TMEM117: variants seen among roughly 807,000 people sequenced by gnomAD.
TMEM117 encodes the protein transmembrane protein 117.
TMEM117 carries 27 observed loss-of-function variants against 52.4 expected under a neutral mutation model. The observed-to-expected ratio is 0.51, with a 90% CI of 0.38 to 0.71. The LOEUF is 0.71. TMEM117 is among the 30% of genes least tolerant of loss of function. The pLI is 0.00. For synonymous variants in TMEM117, 215 were observed against 206.3 expected, an observed-to-expected ratio of 1.04 and a Z score of -0.36; for missense variants, 556 against 630.5, an observed-to-expected ratio of 0.88 and a Z score of 1.26.
At chr12:44,006,641 A>T (rs1209615018) in intron 3 of TMEM117, among the ~76,000 whole-genome samples, 1 of 152,200 alleles carries the variant, frequency 6.6e-6, no homozygotes, top group African/African-American at 2.4e-5. Flanking sequence ...TGTCAAGCAT[A>T]TGATATCTGA....
chr12:44,296,895 G>A (rs1026741184), intron 5 of TMEM117, among the ~76,000 whole-genome samples: 2 of 152,200 alleles, frequency 1.3e-5, no homozygotes, highest in Non-Finnish European at 1.5e-5. Flanking sequence ...AAGTTCATAG[G>A]GGGCTGAGGC....
intron 6 of TMEM117, among the ~76,000 whole-genome samples, chr12:44,371,361 G>T (rs908382099): frequency 1.3e-5 from 2 of 152,090 alleles, no homozygotes; most frequent in Admixed American, 1.3e-4. Context: ...ATAATCTAAT[G>T]CCTATAAAAA....
the TMEM117 span, among the ~76,000 whole-genome samples, chr12:43,802,103 G>C: frequency 6.6e-6 from 1 of 152,114 alleles, no homozygotes; most frequent in Non-Finnish European, 1.5e-5. Context: ...TTGATTTCAA[G>C]GGCAAAACTC....
intron 3 of TMEM117, among the ~76,000 whole-genome samples, chr12:43,957,748 C>A (rs190268036): frequency 1.2e-4 from 18 of 152,254 alleles, no homozygotes; most frequent in Admixed American, 7.2e-4. Context: ...TGAATAATTT[C>A]TTAGTAATGT....
chr12:44,286,153 A>G (rs574573058), intron 5 of TMEM117, among the ~76,000 whole-genome samples: 1 of 152,160 alleles, frequency 6.6e-6, no homozygotes, highest in African/African-American at 2.4e-5. Context: ...ACATTTTAAC[A>G]TTAGTATTAT....
chr12:44,008,970 G>A (rs1283902562), intron 3 of TMEM117: 5 of 373,122 alleles, frequency 1.3e-5, no homozygotes, highest in Middle Eastern at 6.4e-4. Flanking sequence ...CATTGGTGAC[G>A]CTTATAGGTC....
intron 3 of TMEM117, among the ~76,000 whole-genome samples, chr12:43,978,207 G>A (rs911451214): frequency 2.6e-5 from 4 of 152,148 alleles, no homozygotes; most frequent in African/African-American, 9.7e-5. Context: ...GATTATTACT[G>A]TAAGCCAGTG....
At chr12:44,257,640 C>G (rs188738422) in intron 5 of TMEM117, among the ~76,000 whole-genome samples, 18 of 152,250 alleles carry the variant, frequency 1.2e-4, no homozygotes, top group African/African-American at 4.3e-4. Context: ...TTGTAAATCA[C>G]TACCTTTGGC....
intron 3 of TMEM117, among the ~76,000 whole-genome samples, chr12:44,126,716 A>C (rs181191988): frequency 6.6e-5 from 10 of 152,324 alleles, no homozygotes; most frequent in African/African-American, 9.6e-5. Context: ...TTTGGTAAAA[A>C]CACCCAACAT....
At chr12:44,200,411 T>A (rs771660399) in intron 4 of TMEM117, among the ~76,000 whole-genome samples, 8 of 152,194 alleles carry the variant, frequency 5.3e-5, no homozygotes, top group Non-Finnish European at 1.0e-4. Flanking sequence ...TAGAAAACAT[T>A]GTTAATTAAA....
intron 4 of TMEM117, among the ~76,000 whole-genome samples, chr12:44,179,050 C>G (rs943517554): frequency 3.3e-5 from 5 of 152,056 alleles, no homozygotes; most frequent in South Asian, 2.1e-4. Flanking sequence ...AAAAATTAGC[C>G]TGGTGTGGTG....
intron 3 of TMEM117, among the ~76,000 whole-genome samples, chr12:44,055,622 TTCCTCATTTG>T (rs1947042113): frequency 6.6e-6 from 1 of 152,182 alleles, no homozygotes; most frequent in South Asian, 2.1e-4. Context: ...TGTCTCCATT[TTCCTCATTTG>T]TAAAGTGGTA....
intron 3 of TMEM117, among the ~76,000 whole-genome samples, chr12:44,029,959 A>AT (rs1241185975): frequency 1.8e-4 from 27 of 148,852 alleles, no homozygotes; most frequent in African/African-American, 6.7e-4. Flanking sequence ...GGCGGCCTGC[A>AT]TTTAGGGTTC....
chr12:44,025,111 A>G (rs866132525), intron 3 of TMEM117, among the ~76,000 whole-genome samples: 5 of 152,206 alleles, frequency 3.3e-5, no homozygotes, highest in Non-Finnish European at 7.3e-5. Context: ...CTGCTCCTGT[A>G]TAGAATGCAG....
chr12:43,991,825 G>A (rs73286232), intron 3 of TMEM117, among the ~76,000 whole-genome samples: 4,868 of 152,066 alleles, frequency 0.032, 176 homozygotes, highest in African/African-American at 0.087. Context: ...TTTGAATGAC[G>A]GCAGCAGCCT....
chr12:43,892,554 T>G (rs569136270), intron 2 of TMEM117, among the ~76,000 whole-genome samples: 50 of 152,358 alleles, frequency 3.3e-4, no homozygotes, highest in African/African-American at 1.2e-3. Flanking sequence ...GGGCCAACTT[T>G]GCAAGCAGGC....
chr12:44,352,299 A>T (rs931515468), intron 6 of TMEM117, among the ~76,000 whole-genome samples: 16 of 151,768 alleles, frequency 1.1e-4, no homozygotes, highest in East Asian at 5.8e-4. Flanking sequence ...TTGTTTTTTT[A>T]AATTTTATTA....
intron 7 of TMEM117, among the ~76,000 whole-genome samples, chr12:44,386,161 A>G (rs1020579091): frequency 4.6e-5 from 7 of 151,974 alleles, no homozygotes; most frequent in African/African-American, 1.7e-4. Flanking sequence ...GCCTCTCACT[A>G]TTTATCTGTT....
chr12:44,021,803 T>G (rs1946459592), intron 3 of TMEM117, among the ~76,000 whole-genome samples: 1 of 152,162 alleles, frequency 6.6e-6, no homozygotes, highest in African/African-American at 2.4e-5. Flanking sequence ...TGCCCTATTC[T>G]CCTTCTGAGT....
Sources: gnomAD v4.1 joint callset for allele counts (sites outside exome capture counted in the v4.1 genomes callset) on GRCh38, gnomAD v4.1.1 for gene constraint, MANE v1.5 for transcripts, NCBI Gene and HGNC (gene_info 2026-07-23, HGNC 2026-07-21) for gene names.